The following DDAH1 variants were observed in gnomAD, a reference collection of about 807,000 sequenced individuals.
DDAH1 encodes the protein N(G),N(G)-dimethylarginine dimethylaminohydrolase 1.
In DDAH1, 19 loss-of-function variants were observed where a neutral mutation model predicts 28.8. The ratio of observed to expected loss-of-function variants is 0.66; its 90% CI spans 0.46 to 0.97. The LOEUF (loss-of-function observed/expected upper bound fraction) is 0.97, where lower values mean the gene tolerates loss of function less well. DDAH1 is among the 50% of genes least tolerant of loss of function. The pLI is 0.00. For missense variants in DDAH1, 326 were observed against 375.9 expected, an observed-to-expected ratio of 0.87 and a Z score of 1.10; for synonymous variants, 153 against 154.4, an observed-to-expected ratio of 0.99 and a Z score of 0.07.
intron 1 of DDAH1, among the ~76,000 whole-genome samples, chr1:85,519,987 T>C (rs1657621141): frequency 6.6e-6 from 1 of 152,022 alleles, no homozygotes; most frequent in African/African-American, 2.4e-5. Flanking sequence ...TTTATTTATT[T>C]ATTTATTTAT....
At chr1:85,552,055 G>C (rs1294475109) in intron 1 of DDAH1, among the ~76,000 whole-genome samples, 2 of 152,162 alleles carry the variant, frequency 1.3e-5, no homozygotes, top group Non-Finnish European at 2.9e-5. Context: ...GGGATAACTT[G>C]TCCTACCCAA....
chr1:85,467,763 T>G (rs978523298), upstream of DDAH1: 15 of 152,242 alleles, frequency 9.9e-5, no homozygotes, highest in African/African-American at 3.6e-4. Context: ...ATTTTTCCCA[T>G]GAATATTTAT....
intron 4 of DDAH1, among the ~76,000 whole-genome samples, chr1:85,347,222 T>A (rs979057145): frequency 6.6e-5 from 10 of 152,308 alleles, no homozygotes; most frequent in Non-Finnish European, 1.0e-4. Context: ...TCCTCAAGGA[T>A]CTAGAACTAG....
In DDAH1 at chr1:85,321,776, G is replaced by C. The variant is rs536890043; in HGVS notation, c.742-208C>G. On this transcript the variant is annotated intron_variant, in intron 5 of 5. Coordinates refer to ENST00000284031, the MANE Select transcript of DDAH1 (RefSeq NM_012137.4). ...CACTAGCCCTGTGCTTTAACCTCAA[G>C]GCCAAAGATGTGTCAGAAATGTGGT... Among the ~76,000 whole-genome samples, 33 of 152,258 alleles carry C rather than the reference G, an allele frequency of 2.2e-4. No individual in the cohort carries two copies. In the East Asian group the frequency reaches 6.4e-3, roughly 29 times the overall value.
intron 1 of DDAH1, among the ~76,000 whole-genome samples, chr1:85,569,356 G>T (rs1659389237): frequency 6.6e-6 from 1 of 152,198 alleles, no homozygotes; most frequent in African/African-American, 2.4e-5. Flanking sequence ...CAGCACACTT[G>T]TTAGTTCCTA....
intron 1 of DDAH1, among the ~76,000 whole-genome samples, chr1:85,397,352 A>G (rs1339316926): frequency 6.6e-6 from 1 of 152,232 alleles, no homozygotes; most frequent in Non-Finnish European, 1.5e-5. Flanking sequence ...GGATTGGGTA[A>G]GAATTTGTAG....
chr1:85,354,774 A>G (rs1649402916), intron 2 of DDAH1, among the ~76,000 whole-genome samples: 1 of 152,078 alleles, frequency 6.6e-6, no homozygotes, highest in South Asian at 2.1e-4. Flanking sequence ...TAAAAATAAG[A>G]AGGAGTCTGC....
At chr1:85,509,631 G>A (rs894296858) in intron 1 of DDAH1, among the ~76,000 whole-genome samples, 3 of 152,184 alleles carry the variant, frequency 2.0e-5, no homozygotes, top group African/African-American at 4.8e-5. Context: ...AAACAATGTA[G>A]AGAAGACCTT....
rs778130065 is a variant in DDAH1 at position 85,464,707 on chromosome 1, G to C, written c.303+36C>G. The C allele has an allele frequency of 1.3e-4, 189 of 1,437,526 alleles. No individual in the cohort carries two copies. Among genetic ancestry groups the C allele is most frequent in the Non-Finnish European group, 2.3e-5 (25 of 1,102,654 alleles). The allele number at this position is 1,437,526 out of a possible 1,614,324, so 89.0% of individuals were successfully genotyped here. On this transcript the variant is annotated intron_variant, in intron 1 of 5. Transcript: ENST00000284031. This position sits in a 1 kb window ranked among gnomAD's most constrained non-coding sequence, Gnocchi z 4.4. ...GGCCGGCGGCGGGGGAGGGCCTGGCGCGCGCCCCGGCCGCGCCCCTCGAGT... is the reference window on the plus strand; with the variant it reads ...GGCCGGCGGCGGGGGAGGGCCTGGCCCGCGCCCCGGCCGCGCCCCTCGAGT...
intron 1 of DDAH1, among the ~76,000 whole-genome samples, chr1:85,378,978 T>C (rs934400373): frequency 2.0e-5 from 3 of 152,090 alleles, no homozygotes; most frequent in Non-Finnish European, 4.4e-5. Flanking sequence ...CATTTCTAAA[T>C]TTCCTAATGT....
intron 1 of DDAH1, among the ~76,000 whole-genome samples, chr1:85,512,040 C>A (rs1354421122): frequency 6.6e-6 from 1 of 151,986 alleles, no homozygotes; most frequent in Non-Finnish European, 1.5e-5. Context: ...GGCAGAGACA[C>A]AACAAAAAAA....
chr1:85,548,783 C>T (rs1450653984), intron 1 of DDAH1, among the ~76,000 whole-genome samples: 2 of 152,156 alleles, frequency 1.3e-5, no homozygotes, highest in African/African-American at 2.4e-5. Context: ...ACTAAAAGAG[C>T]CACCATACAC....
intron 2 of DDAH1, among the ~76,000 whole-genome samples, chr1:85,477,658 AC>A (rs1655848783): frequency 6.6e-6 from 1 of 151,890 alleles, no homozygotes; most frequent in African/African-American, 2.4e-5. Flanking sequence ...ATATGCATAT[AC>A]TATCTCTACT....
At chr1:85,373,547 T>A (rs1650499877) in intron 1 of DDAH1, among the ~76,000 whole-genome samples, 3 of 152,070 alleles carry the variant, frequency 2.0e-5, no homozygotes, top group Admixed American at 2.0e-4. Flanking sequence ...CTTCACACAC[T>A]CTCTCTCTTT....
chr1:85,401,061 A>G (rs1283420454), intron 1 of DDAH1, among the ~76,000 whole-genome samples: 1 of 152,238 alleles, frequency 6.6e-6, no homozygotes, highest in African/African-American at 2.4e-5. Flanking sequence ...AAAGCTTTAT[A>G]TAATACGAGA....
chr1:85,426,305 A>G (rs558007185), intron 1 of DDAH1, among the ~76,000 whole-genome samples: 1 of 152,272 alleles, frequency 6.6e-6, no homozygotes, highest in East Asian at 1.9e-4. Flanking sequence ...ATCCCCCTCT[A>G]CAGTGTTGGT....
chr1:85,379,696 A>G, intron 1 of DDAH1: 1 of 985,202 alleles, frequency 1.0e-6, no homozygotes, highest in Non-Finnish European at 1.2e-6. Flanking sequence ...TATTCACTGT[A>G]CTCTGAACTG....
intron 1 of DDAH1, chr1:85,399,455 G>C (rs1651967980): frequency 6.6e-6 from 1 of 152,242 alleles, no homozygotes; most frequent in African/African-American, 2.4e-5. Context: ...AAGCATGACT[G>C]AAAGGGGAAA....
chr1:85,468,551 G>T (rs560410236), upstream of DDAH1, among the ~76,000 whole-genome samples: 8 of 145,008 alleles, frequency 5.5e-5, no homozygotes, highest in South Asian at 8.7e-4. Flanking sequence ...ACGGAGTCTC[G>T]CTCTGTTGCC....
Sources: gnomAD v4.1 joint callset for allele counts (sites outside exome capture counted in the v4.1 genomes callset) on GRCh38, gnomAD v4.1.1 for gene constraint, Gnocchi (gnomAD v3.1) non-coding constraint, MANE v1.5 for transcripts, NCBI Gene and HGNC (gene_info 2026-07-23, HGNC 2026-07-21) for gene names.